Variants in SLC25A25 observed in about 807,000 individuals in gnomAD.
SLC25A25 encodes mitochondrial adenyl nucleotide antiporter SLC25A25.
Under a neutral mutation model 57.7 loss-of-function variants are expected in SLC25A25, and 32 were observed. The ratio of observed to expected loss-of-function variants is 0.55; its 90% CI spans 0.42 to 0.74. The LOEUF is 0.74. Ranked by LOEUF, SLC25A25 falls within the 30% of genes least tolerant of loss-of-function variation. The probability of loss-of-function intolerance (pLI) is 0.00; values close to 1 mark genes in which losing one functional copy is unlikely to be tolerated. For synonymous variants in SLC25A25, 306 were observed against 291.2 expected (o/e 1.05, Z -0.52); for missense variants, 556 against 701.3 (o/e 0.79, Z 2.34).
chr9:128,107,334 G>A lies in SLC25A25; in HGVS notation c.1438G>A (p.Gly480Arg), dbSNP rs1411228064. The A allele has an allele frequency of 7.1e-6, 11 of 1,544,084 alleles. No individual in the cohort carries two copies. The highest frequency in any genetic ancestry group is 8.8e-6 in the Non-Finnish European group (10 of 1,141,188). Reference sequence around the variant, plus strand: ...TATCCTGCGGACCGAGGGGGCCTTCGGGCTGTACAGGGGGCTGGCCCCCAA... The same window carrying A: ...TATCCTGCGGACCGAGGGGGCCTTCAGGCTGTACAGGGGGCTGGCCCCCAA... ...KHILRTEGAF[G>R]LYRGLAPNFM... is the part of the protein sequence containing the mutation. Residue 480 changes from glycine (G) to arginine (R), a missense_variant, in exon 11 of 11, where the codon GGG becomes AGG. Physicochemically the swap from Gly to Arg is moderately radical, Grantham distance 125 (BLOSUM62 -2). Around this residue, in one of 3 missense-constraint regions of SLC25A25, gnomAD observed 294 missense variants for 389.6 expected, o/e 0.75. Coordinates refer to ENST00000373069, the MANE Select transcript of SLC25A25 (RefSeq NM_001330988.2).
intron 1 of SLC25A25, chr9:128,092,037 A>G (rs1833424187): frequency 6.2e-7 from 1 of 1,613,776 alleles, no homozygotes; most frequent in Admixed American, 1.7e-5. Flanking sequence ...GAGGCCACGG[A>G]AAAAAGACCC....
chr9:128,068,271 C>A lies in SLC25A25; in HGVS notation c.-49C>A. On this transcript the variant is annotated 5_prime_UTR_variant, in exon 1 of 11. Coordinates refer to ENST00000373069, the MANE Select transcript of SLC25A25 (RefSeq NM_001330988.2). Reference sequence around the variant, plus strand: ...TTGCCTCCCGCGCGGTCACCGCCGGCCCGCCGCCCCCGCTCCCGCCCGCGC... The same window carrying A: ...TTGCCTCCCGCGCGGTCACCGCCGGACCGCCGCCCCCGCTCCCGCCCGCGC... 1.7e-6 allele frequency: 2 copies of A among 1,151,404 alleles called. No homozygotes were observed. The highest frequency in any genetic ancestry group is 2.2e-6 in the Non-Finnish European group (2 of 905,190). The allele number at this position is 1,151,404 out of a possible 1,614,324, so 71.3% of individuals were successfully genotyped here.
At position 128,108,347 on chromosome 9, in the gene SLC25A25, A is replaced by G; in HGVS notation, c.*903A>G. Reference sequence around the variant, plus strand: ...GGAAAAGGGTTTTGTCCAGAAGGACAAGCCGGACAAATGAGCGACTTCTGT... The same window carrying G: ...GGAAAAGGGTTTTGTCCAGAAGGACGAGCCGGACAAATGAGCGACTTCTGT... On this transcript the variant is annotated 3_prime_UTR_variant, in exon 11 of 11. Coordinates refer to ENST00000373069, the MANE Select transcript of SLC25A25 (RefSeq NM_001330988.2). 1 of 398,244 alleles carries G rather than the reference A, an allele frequency of 2.5e-6. No homozygotes were observed. The highest frequency in any genetic ancestry group is 4.4e-6 in the Non-Finnish European group (1 of 226,006). 24.7% of individuals were successfully genotyped at this position (398,244 alleles called of 1,614,324 possible). A position where few individuals can be genotyped will look rare whatever the true frequency, so the allele number is the denominator to read the frequency against.
At chr9:128,106,588 T>C in intron 9 of SLC25A25, 68 bp downstream of exon 9, 6 of 1,503,014 alleles carry the variant, frequency 4.0e-6, no homozygotes, top group Non-Finnish European at 5.3e-6. Flanking sequence ...TCTCCCTCCT[T>C]GACGGACGCG....
rs752115914 is a variant in SLC25A25 at position 128,103,700 on chromosome 9, A to G, written c.644A>G (p.Asn215Ser). The G allele has an allele frequency of 2.5e-6, 4 of 1,614,174 alleles. No individual in the cohort carries two copies. The highest frequency in any genetic ancestry group is 2.5e-6 in the Non-Finnish European group (3 of 1,180,016). Reference sequence around the variant, plus strand: ...TCACAGATCTTTGATGTGGGTGAGAATCTAACGGTCCCGGATGAGTTCACA... The same window carrying G: ...TCACAGATCTTTGATGTGGGTGAGAGTCTAACGGTCCCGGATGAGTTCACA... ...KHSTIFDVGE[N>S]LTVPDEFTVE... Residue 215 changes from asparagine to serine, a missense_variant, in exon 6 of 11, where the codon AAT becomes AGT. Physicochemically the swap from Asn to Ser is conservative, Grantham distance 46 (BLOSUM62 1). This residue lies in a region of SLC25A25 where 14 missense variants were observed against 38.2 expected (regional missense o/e 0.37). Transcript: ENST00000373069. The surrounding 1 kb of genome is among the most constrained non-coding windows in gnomAD (Gnocchi z 6.7).
chr9:128,093,758 C>T (rs1009433734), intron 1 of SLC25A25, among the ~76,000 whole-genome samples: 2 of 152,210 alleles, frequency 1.3e-5, no homozygotes, highest in Non-Finnish European at 2.9e-5. Context: ...CAGAACAGTG[C>T]TCTGAAGGTG....
At chr9:128,090,799 G>A (rs1433164999) in intron 1 of SLC25A25, among the ~76,000 whole-genome samples, 2 of 152,170 alleles carry the variant, frequency 1.3e-5, no homozygotes, top group South Asian at 2.1e-4. Context: ...ATGACAGAGC[G>A]AGACTCCATC....
intron 1 of SLC25A25, among the ~76,000 whole-genome samples, chr9:128,089,931 G>C (rs574049153): frequency 1.3e-5 from 2 of 152,088 alleles, no homozygotes; most frequent in Non-Finnish European, 2.9e-5. Flanking sequence ...CACTGCGCTC[G>C]GCCTTCTTTT....
intron 1 of SLC25A25, among the ~76,000 whole-genome samples, chr9:128,096,786 G>A (rs894298893): frequency 6.6e-6 from 1 of 152,210 alleles, no homozygotes; most frequent in Non-Finnish European, 1.5e-5. Flanking sequence ...GAGATAAGAG[G>A]CGTGTTAAAA....
intron 9 of SLC25A25, 73 bp from the exon 10 acceptor site, chr9:128,106,956 C>T (rs1388321555): frequency 1.3e-6 from 2 of 1,546,500 alleles, no homozygotes; most frequent in Non-Finnish European, 1.8e-6. Flanking sequence ...CCTGAGGACC[C>T]AGTAACAGCC....
intron 1 of SLC25A25, among the ~76,000 whole-genome samples, chr9:128,100,063 G>T (rs367888062): frequency 6.6e-6 from 1 of 152,116 alleles, no homozygotes; most frequent in Non-Finnish European, 1.5e-5. Context: ...GGAGGACCAC[G>T]GCCCAACTTG....
At chr9:128,070,593 T>A (rs182490653) in intron 1 of SLC25A25, among the ~76,000 whole-genome samples, 8 of 152,206 alleles carry the variant, frequency 5.3e-5, no homozygotes, top group Non-Finnish European at 7.4e-5. Context: ...CAGTCAGTTT[T>A]ACACAAAATA....
intron 1 of SLC25A25, among the ~76,000 whole-genome samples, chr9:128,071,031 T>G (rs1832897724): frequency 6.6e-6 from 1 of 152,194 alleles, no homozygotes; most frequent in South Asian, 2.1e-4. Flanking sequence ...GTTTCTGCTT[T>G]TGTGAACCTA....
At position 128,101,407 on chromosome 9, in the gene SLC25A25, A is replaced by G; in HGVS notation, c.476+11A>G. 1 of 1,613,582 alleles carries G rather than the reference A, an allele frequency of 6.2e-7. No individual in the cohort carries two copies. The highest frequency in any genetic ancestry group is 2.2e-5 in the East Asian group (1 of 44,876). On this transcript the variant is annotated intron_variant, in intron 3 of 10. Coordinates refer to ENST00000373069, the MANE Select transcript of SLC25A25 (RefSeq NM_001330988.2). The surrounding 1 kb of genome is among the most constrained non-coding windows in gnomAD (Gnocchi z 4.9). ...AAAAATTCTCAAGAGGTGAGTGCTC[A>G]GCCAGCCTCTGTGTTTGGTTTAAGT...
At position 128,107,734 on chromosome 9, in the gene SLC25A25, C is replaced by T. The variant is rs895875739; in HGVS notation, c.*290C>T. On this transcript the variant is annotated 3_prime_UTR_variant, in exon 11 of 11. Transcript: ENST00000373069. The stretch of plus-strand genomic sequence containing the variant: ...AAGGACAGGACATTTTCTGCAGTGC[C>T]TGCCAATAGCGAGCTTGGAGCCTGG... 3 of 409,268 alleles carry T rather than the reference C, an allele frequency of 7.3e-6. No individual in the cohort carries two copies. Among genetic ancestry groups the T allele is most frequent in the Non-Finnish European group, 1.3e-5 (3 of 232,040 alleles). The allele number at this position is 409,268 out of a possible 1,614,324, so 25.4% of individuals were successfully genotyped here. A position where few individuals can be genotyped will look rare whatever the true frequency, so the allele number is the denominator to read the frequency against.
chr9:128,097,676 G>A (rs1445476060), intron 1 of SLC25A25, among the ~76,000 whole-genome samples: 1 of 152,188 alleles, frequency 6.6e-6, no homozygotes, highest in African/African-American at 2.4e-5. Flanking sequence ...TGTTCTGAGC[G>A]GACGTGGGCG....
Position 128,083,513 on chromosome 9 carries a change from C to T in SLC25A25, c.261+14933C>T, listed in dbSNP as rs866835912. On this transcript the variant is annotated intron_variant, in intron 1 of 10. Coordinates refer to ENST00000373069, the MANE Select transcript of SLC25A25 (RefSeq NM_001330988.2). The stretch of plus-strand genomic sequence containing the variant: ...AATATTTCTTTTTTTTTTCTTTTTT[C>T]TTTTTTTTTTTTTTGAGATGAAGTC... Among the ~76,000 whole-genome samples the T allele has an allele frequency of 1.9e-3, 221 of 117,410 alleles. 11 individuals are homozygous for T. Among genetic ancestry groups the T allele is most frequent in the Non-Finnish European group, 1.3e-3 (80 of 60,584 alleles). 77.0% of individuals were successfully genotyped at this position (117,410 alleles called of 152,430 possible).
chr9:128,079,650 G>A (rs1450608694), intron 1 of SLC25A25, among the ~76,000 whole-genome samples: 1 of 150,164 alleles, frequency 6.7e-6, no homozygotes, highest in East Asian at 1.9e-4. Context: ...GGTGGCGCAT[G>A]CCTGTAATCC....
intron 1 of SLC25A25, among the ~76,000 whole-genome samples, chr9:128,078,768 C>T (rs1249364592): frequency 6.6e-6 from 1 of 152,152 alleles, no homozygotes; most frequent in Non-Finnish European, 1.5e-5. Flanking sequence ...GACTAAGGCT[C>T]GGAGGCTGGG....
Sources: allele counts gnomAD v4.1 joint callset (sites outside exome capture counted in the v4.1 genomes callset), GRCh38; gene constraint gnomAD v4.1.1; regional missense constraint gnomAD v4.1.1; non-coding constraint Gnocchi (gnomAD v3.1); transcripts MANE v1.5; gene names NCBI Gene and HGNC (gene_info 2026-07-23, HGNC 2026-07-21).